ZSWIM3: variants seen among roughly 807,000 people sequenced by gnomAD.
ZSWIM3 encodes the protein zinc finger SWIM domain-containing protein 3.
Under a neutral mutation model 47.5 loss-of-function variants are expected in ZSWIM3, and 27 were observed. The ratio of observed to expected loss-of-function variants is 0.57; its 90% confidence interval spans 0.42 to 0.78. The LOEUF (loss-of-function observed/expected upper bound fraction) is 0.78. Among genes scored for constraint, ZSWIM3 ranks in the 30% least tolerant of loss-of-function variants. The pLI is 0.00. For synonymous variants in ZSWIM3, 333 were observed against 333.9 expected, an observed-to-expected ratio of 1.00 and a Z score of 0.03; for missense variants, 689 against 861.3, an observed-to-expected ratio of 0.80 and a Z score of 2.50.
Position 45,878,314 on chromosome 20 carries a change from A to G in ZSWIM3, c.1756A>G (p.Lys586Glu). ...AGCCATGGTGTGCCGCCGGTGGCAG[A>G]AGAAGTACCAGTACCTCCTTGGGCC... Reference protein sequence around the residue: ...GEAMVCRRWQKKYQYLLGPNG... With the variant: ...GEAMVCRRWQEKYQYLLGPNG... The change falls in exon 2 of 2, where the codon AAG becomes GAG. Residue 586 changes from lysine (K) to glutamate (E), a missense_variant. Coordinates refer to ENST00000255152, the MANE Select transcript of ZSWIM3 (RefSeq NM_080752.4). The G allele has an allele frequency of 1.9e-6, 3 of 1,614,224 alleles. No individual in the cohort carries two copies. The highest frequency in any genetic ancestry group is 2.5e-6 in the Non-Finnish European group (3 of 1,180,024).
At position 45,877,368 on chromosome 20, in the gene ZSWIM3, A is replaced by G; in HGVS notation, c.810A>G (p.Thr270=). ...TGGCCAAGATGCTGAGCATCTTCAC[A>G]GAGTTCAACTCCGATTGGCCCAAGG... is the stretch of plus-strand genomic sequence containing the variant. ...TSVAKMLSIF[T]EFNSDWPKVK... The change falls in exon 2 of 2, where the codon ACA becomes ACG. Residue 270 remains threonine (T), a synonymous_variant. Coordinates refer to ENST00000255152, the MANE Select transcript of ZSWIM3 (RefSeq NM_080752.4). 6.2e-7 allele frequency: 1 copy of G among 1,614,186 alleles called. No individual in the cohort carries two copies. The highest frequency in any genetic ancestry group is 8.5e-7 in the Non-Finnish European group (1 of 1,180,024).
intron 1 of ZSWIM3, among the ~76,000 whole-genome samples, chr20:45,860,988 C>T (rs561662350): frequency 6.6e-6 from 1 of 152,206 alleles, no homozygotes; most frequent in East Asian, 1.9e-4. Context: ...GGGCTGGGCA[C>T]GGTGGCTCAC....
intron 1 of ZSWIM3, among the ~76,000 whole-genome samples, chr20:45,874,549 A>C (rs2145792212): frequency 6.6e-6 from 1 of 152,302 alleles, no homozygotes; most frequent in Non-Finnish European, 1.5e-5. Flanking sequence ...TCTCTTAAAA[A>C]GGAGGACCAA....
intron 1 of ZSWIM3, 99 bp downstream of exon 1, chr20:45,858,079 G>A: frequency 7.6e-7 from 1 of 1,307,270 alleles, no homozygotes; most frequent in Non-Finnish European, 1.1e-6. Flanking sequence ...CACGCATTGG[G>A]CTGCGTGGCC....
intron 1 of ZSWIM3, among the ~76,000 whole-genome samples, chr20:45,864,485 T>A (rs1318133018): frequency 1.3e-5 from 2 of 152,140 alleles, no homozygotes; most frequent in Admixed American, 1.3e-4. Flanking sequence ...TACTGGGTGG[T>A]CAGGTGAGAT....
chr20:45,865,096 A>G (rs1174579237), intron 1 of ZSWIM3, among the ~76,000 whole-genome samples: 3 of 152,076 alleles, frequency 2.0e-5, no homozygotes, highest in Non-Finnish European at 4.4e-5. Context: ...AGGCGGGCGG[A>G]TCACTTGAGG....
At chr20:45,861,365 A>G (rs964224694) in intron 1 of ZSWIM3, among the ~76,000 whole-genome samples, 20 of 151,718 alleles carry the variant, frequency 1.3e-4, no homozygotes, top group Non-Finnish European at 2.6e-4. Flanking sequence ...GCAGTGAGCT[A>G]TGATCGCACC....
chr20:45,867,935 T>C (rs1361971701), intron 1 of ZSWIM3, among the ~76,000 whole-genome samples: 2 of 152,136 alleles, frequency 1.3e-5, no homozygotes, highest in East Asian at 1.9e-4. Context: ...GTTATCAGAG[T>C]TTTCATTATC....
In ZSWIM3 at chr20:45,877,592, C is replaced by T. The variant is rs753418379; in HGVS notation, c.1034C>T (p.Ala345Val). The T allele has an allele frequency of 3.7e-5, 60 of 1,614,056 alleles. No homozygotes were observed. Among genetic ancestry groups the T allele is most frequent in the Middle Eastern group, 1.6e-4 (1 of 6,084 alleles). ...GAGGCCGTGTTTGTCACTTCTGAAG[C>T]CAGCCTGAAAAATCTCTGCCAGATG... is the stretch of plus-strand genomic sequence containing the variant. ...LREAVFVTSE[A>V]SLKNLCQMSQ... Residue 345 changes from alanine (A) to valine (V), a missense_variant, in exon 2 of 2, where the codon GCC (alanine) becomes GTC (valine). By Grantham distance (64) the Ala-to-Val change is moderately conservative (BLOSUM62 0). Transcript: ENST00000255152.
In ZSWIM3 at chr20:45,872,811, C is replaced by G. The variant is rs576649260; in HGVS notation, c.156-3903C>G. 1.6e-4 allele frequency: 203 copies of G among 1,288,780 alleles called. 1 individual carries two copies. The highest frequency in any genetic ancestry group is 7.4e-4 in the Admixed American group (32 of 43,420). The allele number at this position is 1,288,780 out of a possible 1,614,324, so 79.8% of individuals were successfully genotyped here. On this transcript the variant is annotated intron_variant, in intron 1 of 1. Transcript: ENST00000255152. ...AGCTAGAGATGGCACCACCCCCGCA[C>G]TGTGCACACAATAGGTACAGACACT...
chr20:45,875,074 T>C (rs1301607773), intron 1 of ZSWIM3, among the ~76,000 whole-genome samples: 3 of 134,914 alleles, frequency 2.2e-5, no homozygotes, highest in Non-Finnish European at 3.1e-5. Context: ...AGTCTCACTC[T>C]GTCACCCAGG....
intron 1 of ZSWIM3, among the ~76,000 whole-genome samples, chr20:45,875,510 G>A (rs1489901193): frequency 2.0e-5 from 3 of 148,910 alleles, no homozygotes; most frequent in Non-Finnish European, 4.4e-5. Flanking sequence ...TTGTTTATTT[G>A]TTTGCTTTTG....
rs955583734 is a variant in ZSWIM3 at position 45,878,905 on chromosome 20, G to T, written c.*256G>T. The T allele has an allele frequency of 4.8e-5, 21 of 439,572 alleles. No individual in the cohort carries two copies. The highest frequency in any genetic ancestry group is 3.2e-5 in the Non-Finnish European group (8 of 246,166). 27.2% of individuals were successfully genotyped at this position (439,572 alleles called of 1,614,324 possible). On this transcript the variant is annotated 3_prime_UTR_variant, in exon 2 of 2. Transcript: ENST00000255152. ...GCCAAAGTTATCTCCGTGCTGCAAGGTCACCCTCTTCCTCCCCCAGCCCCT... is the reference window on the plus strand; with the variant it reads ...GCCAAAGTTATCTCCGTGCTGCAAGTTCACCCTCTTCCTCCCCCAGCCCCT...
At position 45,877,632 on chromosome 20, in the gene ZSWIM3, G is replaced by A. The variant is rs1162167884; in HGVS notation, c.1074G>A (p.Leu358=). The A allele has an allele frequency of 1.9e-6, 3 of 1,614,050 alleles. No individual in the cohort carries two copies. The South Asian group carries it at 3.3e-5, about 18-fold the overall frequency. ...TCTGCCAGATGTCCCAGGCCGTACT[G>A]GATGAGGATCTCTTCAACTTCCTGC... ...KNLCQMSQAV[L]DEDLFNFLQA... is the part of the protein sequence containing the mutation. Residue 358 remains leucine, a synonymous_variant, in exon 2 of 2, where the codon CTG becomes CTA. Coordinates refer to ENST00000255152, the MANE Select transcript of ZSWIM3 (RefSeq NM_080752.4).
intron 1 of ZSWIM3, among the ~76,000 whole-genome samples, chr20:45,861,104 G>A (rs1985696765): frequency 2.0e-5 from 3 of 151,904 alleles, no homozygotes; most frequent in Non-Finnish European, 2.9e-5. Context: ...TGAGATCCCC[G>A]TCTCCACAAA....
At chr20:45,860,510 CAAAAAAAAAA>C (rs59152975) in intron 1 of ZSWIM3, among the ~76,000 whole-genome samples, 60,137 of 103,100 alleles carry the variant, frequency 0.58, 15,151 homozygotes, top group Admixed American at 0.65. Context: ...GACTCCATCT[CAAAAAAAAAA>C]AAAAAAAAAA....
At position 45,877,619 on chromosome 20, in the gene ZSWIM3, C is replaced by G; in HGVS notation, c.1061C>G (p.Ser354Cys). The change falls in exon 2 of 2, where the codon TCC becomes TGC. Residue 354 changes from serine (S) to cysteine (C), a missense_variant. Physicochemically the swap from Ser to Cys is moderately radical, Grantham distance 112. Coordinates refer to ENST00000255152, the MANE Select transcript of ZSWIM3 (RefSeq NM_080752.4). ...AGCCTGAAAAATCTCTGCCAGATGTCCCAGGCCGTACTGGATGAGGATCTC... is the reference window on the plus strand; with the variant it reads ...AGCCTGAAAAATCTCTGCCAGATGTGCCAGGCCGTACTGGATGAGGATCTC... ...EASLKNLCQMSQAVLDEDLFN... is the reference protein window; with the variant it reads ...EASLKNLCQMCQAVLDEDLFN... The G allele has an allele frequency of 6.2e-7, 1 of 1,614,178 alleles. No homozygotes were observed. The highest frequency in any genetic ancestry group is 1.3e-5 in the African/African-American group (1 of 75,042).
Position 45,876,848 on chromosome 20 carries a change from A to ACACACAGCACATACATGGTGACTCTAT in ZSWIM3, c.316_317insTCACACAGCACATACATGGTGACTCTA (p.Ser105_Lys106insIleThrGlnHisIleHisGlyAspSer). Reference sequence around the variant, plus strand: ...GATAGACTATTTATCAGTGAACTAAACACACAGCACATACATGGTGACTCT... The same window carrying ACACACAGCACATACATGGTGACTCTAT: ...GATAGACTATTTATCAGTGAACTAAACACACAGCACATACATGGTGACTCTATCACACAGCACATACATGGTGACTCT... On this transcript the variant is annotated inframe_insertion, in exon 2 of 2. Transcript: ENST00000255152. 6.2e-7 allele frequency: 1 copy of ACACACAGCACATACATGGTGACTCTAT among 1,614,162 alleles called. No individual in the cohort carries two copies. The highest frequency in any genetic ancestry group is 8.5e-7 in the Non-Finnish European group (1 of 1,180,030).
At chr20:45,863,116 T>C (rs923593462) in intron 1 of ZSWIM3, among the ~76,000 whole-genome samples, 1 of 152,192 alleles carries the variant, frequency 6.6e-6, no homozygotes, top group Non-Finnish European at 1.5e-5. Context: ...CAATATATCT[T>C]GGAAATTATG....
Sources: gnomAD v4.1 joint callset for allele counts (sites outside exome capture counted in the v4.1 genomes callset) on GRCh38, gnomAD v4.1.1 for gene constraint, MANE v1.5 for transcripts, NCBI Gene and HGNC (gene_info 2026-07-23, HGNC 2026-07-21) for gene names.